Variants in ABHD12 observed in about 807,000 individuals in gnomAD.
ABHD12 encodes lysophosphatidylserine lipase ABHD12.
A neutral mutation model predicts 58.3 loss-of-function variants in ABHD12; 43 were observed. That is an observed-to-expected ratio of 0.74 (90% CI 0.58 to 0.95). The LOEUF (loss-of-function observed/expected upper bound fraction) is 0.95. Among genes scored for constraint, ABHD12 ranks in the 40% least tolerant of loss-of-function variants. The pLI is 0.00. For missense variants in ABHD12, 539 were observed against 537.2 expected, an observed-to-expected ratio of 1.00 and a Z score of -0.03; for synonymous variants, 219 against 211.2, an observed-to-expected ratio of 1.04 and a Z score of -0.32.
In ABHD12 at chr20:25,300,615, G is replaced by C; in HGVS notation, c.*230C>G. On this transcript the variant is annotated 3_prime_UTR_variant, in exon 13 of 13. Transcript: ENST00000339157. ...AGATCTCAGGTTGAGGGGCGGCAAG[G>C]AGAGCCACATGCCTGCCACCCACGC... 5 of 1,445,988 alleles carry C rather than the reference G, an allele frequency of 3.5e-6. No homozygotes were observed. The highest frequency in any genetic ancestry group is 4.5e-6 in the Non-Finnish European group (5 of 1,105,812). 89.6% of individuals were successfully genotyped at this position (1,445,988 alleles called of 1,614,324 possible).
chr20:25,306,799 ATAGGAAAAT>A, intron 10 of ABHD12, 25 bp downstream of exon 10: 1 of 1,489,222 alleles, frequency 6.7e-7, no homozygotes, highest in African/African-American at 1.4e-5. Context: ...GTTTTTCTAA[ATAGGAAAAT>A]TAGTTCCTGT....
chr20:25,375,919 G>A (rs1052135389), intron 1 of ABHD12, among the ~76,000 whole-genome samples: 8 of 152,160 alleles, frequency 5.3e-5, no homozygotes, highest in African/African-American at 1.7e-4. Flanking sequence ...TCAGGAGATC[G>A]AGACCATCCT....
chr20:25,357,387 C>A (rs972604619), intron 1 of ABHD12, among the ~76,000 whole-genome samples: 12 of 152,218 alleles, frequency 7.9e-5, no homozygotes, highest in African/African-American at 2.7e-4. Context: ...AATCTCTCCC[C>A]ACGAATAAGT....
chr20:25,308,564 G>A (rs1354036932), intron 7 of ABHD12, 70 bp from the exon 8 acceptor site: 5 of 1,536,556 alleles, frequency 3.3e-6, no homozygotes, highest in Non-Finnish European at 4.4e-6. Context: ...GCCTTATGCT[G>A]GAAAGTGCTC....
intron 6 of ABHD12, among the ~76,000 whole-genome samples, chr20:25,311,655 C>T (rs1203775383): frequency 1.3e-5 from 2 of 152,202 alleles, no homozygotes; most frequent in Non-Finnish European, 2.9e-5. Context: ...CAGCCAGCCA[C>T]GTTGCCATCA....
chr20:25,385,618 G>A (rs1034025602), intron 1 of ABHD12, among the ~76,000 whole-genome samples: 1 of 152,062 alleles, frequency 6.6e-6, no homozygotes, highest in Non-Finnish European at 1.5e-5. Flanking sequence ...GACAGAGGTG[G>A]AAGGACTGCT....
At chr20:25,355,430 C>T (rs922096828) in intron 1 of ABHD12, among the ~76,000 whole-genome samples, 3 of 152,186 alleles carry the variant, frequency 2.0e-5, no homozygotes, top group Admixed American at 2.0e-4. Context: ...GTTGCCACTT[C>T]CCCCTTTTTG....
At chr20:25,359,423 C>CA (rs565367954) in intron 1 of ABHD12, among the ~76,000 whole-genome samples, 690 of 62,934 alleles carry the variant, frequency 0.011, 18 homozygotes, top group African/African-American at 0.018. Flanking sequence ...GACTCCGTCT[C>CA]AAAAAAAAAA....
intron 3 of ABHD12, among the ~76,000 whole-genome samples, chr20:25,321,828 G>C (rs1020842998): frequency 3.9e-5 from 6 of 152,196 alleles, no homozygotes; most frequent in Non-Finnish European, 5.9e-5. Flanking sequence ...GTAAATGCTA[G>C]ATTAAATCAA....
chr20:25,315,058 T>C (rs1281650104), intron 5 of ABHD12, 88 bp from the exon 6 acceptor site: 11 of 1,345,984 alleles, frequency 8.2e-6, no homozygotes, highest in African/African-American at 2.9e-5. Flanking sequence ...CATCCAACTT[T>C]CTCTCCTCTG....
At chr20:25,308,127 A>G in intron 8 of ABHD12, 82 bp from the exon 9 acceptor site, 1 of 977,318 alleles carries the variant, frequency 1.0e-6, no homozygotes, top group Non-Finnish European at 1.7e-6. Flanking sequence ...AGGGGCCCCC[A>G]GAAAGCACAA....
chr20:25,358,211 A>C (rs2089694243), intron 1 of ABHD12, among the ~76,000 whole-genome samples: 1 of 152,232 alleles, frequency 6.6e-6, no homozygotes, highest in African/African-American at 2.4e-5. Flanking sequence ...ACAAAGGAAC[A>C]AAAGTTAGAC....
intron 1 of ABHD12, among the ~76,000 whole-genome samples, chr20:25,356,890 C>T (rs1474563341): frequency 1.3e-5 from 2 of 151,998 alleles, no homozygotes; most frequent in African/African-American, 2.4e-5. Flanking sequence ...AATCCCAGCA[C>T]GTTGGGAGGC....
At chr20:25,323,266 T>G in intron 3 of ABHD12, 59 bp downstream of exon 3, 6 of 1,022,218 alleles carry the variant, frequency 5.9e-6, no homozygotes, top group Non-Finnish European at 9.4e-6. Context: ...CAGCACCAGC[T>G]CAGTCATGTA....
intron 10 of ABHD12, among the ~76,000 whole-genome samples, chr20:25,304,920 TTTTC>T (rs1338157539): frequency 6.6e-6 from 1 of 151,986 alleles, no homozygotes; most frequent in African/African-American, 2.4e-5. Context: ...TCTTTTTTTC[TTTTC>T]TTTGTTGCCC....
chr20:25,309,987 A>G (rs187857933), intron 6 of ABHD12, among the ~76,000 whole-genome samples: 2 of 152,322 alleles, frequency 1.3e-5, no homozygotes, highest in Admixed American at 1.3e-4. Context: ...CCTCTTGGGC[A>G]GGGGAGTGAG....
rs1200542541 is a variant in ABHD12, at chr20:25,303,385, C to T, written c.1029+165G>A. 5.3e-6 allele frequency: 8 copies of T among 1,515,716 alleles called. No homozygotes were observed. In the Admixed American group the frequency reaches 7.9e-5, roughly 15 times the overall value. The allele number at this position is 1,515,716 out of a possible 1,614,324, so 93.9% of individuals were successfully genotyped here. A position where few individuals can be genotyped will look rare whatever the true frequency, so the allele number is the denominator to read the frequency against. Reference sequence around the variant, plus strand: ...TCCTTCCGAAGCAGCCTGGAGGTGACGCAGGGAGGATGAGGTGGCCTCCTG... The same window carrying T: ...TCCTTCCGAAGCAGCCTGGAGGTGATGCAGGGAGGATGAGGTGGCCTCCTG... On this transcript the variant is annotated intron_variant, in intron 11 of 12. Transcript: ENST00000339157.
chr20:25,373,863 C>G (rs552527165), intron 1 of ABHD12, among the ~76,000 whole-genome samples: 2 of 152,274 alleles, frequency 1.3e-5, no homozygotes, highest in African/African-American at 4.8e-5. Context: ...TTCTCCTCTT[C>G]TTTGAGGACT....
At chr20:25,295,679 C>T (rs1415093280), downstream of ABHD12, 1 of 1,611,546 alleles carries the variant, frequency 6.2e-7, no homozygotes, top group African/African-American at 1.3e-5. Flanking sequence ...GGGTGAGGCT[C>T]CTGGGTCCAG....
Sources: allele counts gnomAD v4.1 joint callset (sites outside exome capture counted in the v4.1 genomes callset), GRCh38; gene constraint gnomAD v4.1.1; transcripts MANE v1.5; gene names NCBI Gene and HGNC (gene_info 2026-07-23, HGNC 2026-07-21).